Variants in KYAT3 observed in about 807,000 individuals in gnomAD.
KYAT3 encodes the protein kynurenine aminotransferase 3, also known as kynurenine--oxoglutarate transaminase 3.
In KYAT3, 50 loss-of-function variants were observed where a neutral mutation model predicts 59.0. The ratio of observed to expected loss-of-function variants is 0.85; its 90% CI spans 0.68 to 1.07. The LOEUF is 1.07. KYAT3 is among the 50% of genes least tolerant of loss of function. The pLI, the probability that KYAT3 is intolerant of heterozygous loss-of-function variation, is 0.00. For synonymous variants in KYAT3, 148 were observed against 177.0 expected (o/e 0.84, Z 1.30); for missense variants, 497 against 533.3 (o/e 0.93, Z 0.67).
rs558718266 is a variant in KYAT3, at chr1:88,990,694, T to C, written c.-2+1891A>G. ...ATGACCCTCTCACTAGGTAATCTCA[T>C]TGTGTAAGGAACTGTGGGAGCATAG... On this transcript the variant is annotated intron_variant, in intron 1 of 13. Coordinates refer to ENST00000260508, the MANE Select transcript of KYAT3 (RefSeq NM_001008661.3). Among the ~76,000 whole-genome samples, 61 of 152,328 alleles carry C rather than the reference T, an allele frequency of 4.0e-4. No homozygotes were observed. In the East Asian group the frequency reaches 6.9e-3, roughly 17 times the overall value.
downstream of KYAT3, among the ~76,000 whole-genome samples, chr1:88,935,292 T>C (rs1458687274): frequency 6.6e-6 from 1 of 150,650 alleles, no homozygotes; most frequent in Non-Finnish European, 1.5e-5. Flanking sequence ...CATGAGCCAC[T>C]GCACCTGGCT....
chr1:88,977,938 C>T (rs1210497590), intron 2 of KYAT3, among the ~76,000 whole-genome samples: 1 of 151,996 alleles, frequency 6.6e-6, no homozygotes, highest in African/African-American at 2.4e-5. Context: ...GAGCAATAGT[C>T]TATGCCATAT....
At chr1:88,961,976 CTT>C in intron 6 of KYAT3, 81 bp downstream of exon 6, 1 of 958,610 alleles carries the variant, frequency 1.0e-6, no homozygotes, top group Non-Finnish European at 1.7e-6. Context: ...AAAGTAGAAA[CTT>C]TATCATGACA....
chr1:88,958,289 G>C (rs1375463930), intron 8 of KYAT3, among the ~76,000 whole-genome samples: 1 of 152,040 alleles, frequency 6.6e-6, no homozygotes, highest in East Asian at 1.9e-4. Context: ...GATCTTAGTA[G>C]CATGCTTGTT....
chr1:88,979,102 G>C (rs1008757538), intron 2 of KYAT3, among the ~76,000 whole-genome samples: 1 of 152,182 alleles, frequency 6.6e-6, no homozygotes, highest in Non-Finnish European at 1.5e-5. Context: ...AAACAGTTTA[G>C]ATGAAAAGGG....
the KYAT3 span, among the ~76,000 whole-genome samples, chr1:88,926,154 C>T: frequency 1.3e-5 from 2 of 152,142 alleles, no homozygotes; most frequent in African/African-American, 4.8e-5. Flanking sequence ...AAAAAGCAAA[C>T]AGGTAGCTTA....
At chr1:88,959,421 A>G (rs1349416756) in intron 8 of KYAT3, among the ~76,000 whole-genome samples, 3 of 151,940 alleles carry the variant, frequency 2.0e-5, no homozygotes, top group African/African-American at 7.3e-5. Context: ...TACTAAAAGT[A>G]AATTAGCCAG....
chr1:88,979,352 TAAAAAAACTATAAG>T (rs1247424061), intron 2 of KYAT3: 1 of 152,150 alleles, frequency 6.6e-6, no homozygotes, highest in Admixed American at 6.5e-5. Flanking sequence ...AGGCTTGACT[TAAAAAAACTATAAG>T]ATCTATATAT....
At chr1:88,976,098 C>G (rs908795073) in intron 2 of KYAT3, among the ~76,000 whole-genome samples, 2 of 151,680 alleles carry the variant, frequency 1.3e-5, no homozygotes. Flanking sequence ...GTGGCTCACG[C>G]CTGTAATCCC....
At chr1:88,929,922 A>G in the KYAT3 span, among the ~76,000 whole-genome samples, 1 of 152,262 alleles carries the variant, frequency 6.6e-6, no homozygotes. Context: ...AAGGAAACTC[A>G]GAAAGCCAAT....
intron 2 of KYAT3, among the ~76,000 whole-genome samples, chr1:88,986,512 G>T (rs1035197933): frequency 1.3e-5 from 2 of 150,466 alleles, no homozygotes; most frequent in African/African-American, 4.9e-5. Flanking sequence ...GGCTGGTCTT[G>T]AACTCCTGGT....
chr1:88,937,870 A>G (rs1675097224), intron 13 of KYAT3, among the ~76,000 whole-genome samples: 1 of 152,226 alleles, frequency 6.6e-6, no homozygotes, highest in African/African-American at 2.4e-5. Flanking sequence ...TTTCAAAAGT[A>G]TCAAGATCAT....
intron 2 of KYAT3, 126 bp downstream of exon 2, chr1:88,988,126 T>C (rs1677576009): frequency 1.6e-6 from 1 of 621,476 alleles, no homozygotes; most frequent in Non-Finnish European, 2.8e-6. Context: ...AAGAGACACC[T>C]TCAGCATATG....
chr1:88,946,013 G>T (rs1459310286), intron 11 of KYAT3, among the ~76,000 whole-genome samples: 1 of 152,138 alleles, frequency 6.6e-6, no homozygotes, highest in Non-Finnish European at 1.5e-5. Context: ...ATATAGAATG[G>T]ATTGACTGAG....
chr1:88,925,255 C>A, the KYAT3 span, among the ~76,000 whole-genome samples: 1 of 152,220 alleles, frequency 6.6e-6, no homozygotes, highest in Admixed American at 6.5e-5. Flanking sequence ...CGGTTGAGAT[C>A]ATGGCACAGC....
chr1:88,936,724 T>C lies in KYAT3; in HGVS notation c.1303-479A>G, dbSNP rs567489500. 2.0e-5 allele frequency among the ~76,000 whole-genome samples: 3 copies of C among 152,352 alleles called. No homozygotes were observed. In the South Asian group the frequency reaches 6.2e-4, roughly 32 times the overall value. On this transcript the variant is annotated intron_variant, in intron 13 of 13. Coordinates refer to ENST00000260508, the MANE Select transcript of KYAT3 (RefSeq NM_001008661.3). ...CCTTGCTTTCAAGGTTTCATAGTTG[T>C]AATTATTGAAAAATAGTTTATTTTT... is the stretch of plus-strand genomic sequence containing the variant.
Position 88,986,049 on chromosome 1 carries a change from C to T in KYAT3, c.99+2203G>A, listed in dbSNP as rs535193621. Among the ~76,000 whole-genome samples the T allele has an allele frequency of 7.9e-5, 12 of 151,962 alleles. No homozygotes were observed. In the East Asian group the frequency reaches 1.8e-3, roughly 22 times the overall value. Reference sequence around the variant, plus strand: ...TACAAATATTGGCCGGGAGTGGTGGCGGGCACCTATAGTCCCAGCTACTCA... The same window carrying T: ...TACAAATATTGGCCGGGAGTGGTGGTGGGCACCTATAGTCCCAGCTACTCA... On this transcript the variant is annotated intron_variant, in intron 2 of 13. Coordinates refer to ENST00000260508, the MANE Select transcript of KYAT3 (RefSeq NM_001008661.3).
In KYAT3 at chr1:88,983,525, C is replaced by T. The variant is rs1357137773; in HGVS notation, c.99+4727G>A. On this transcript the variant is annotated intron_variant, in intron 2 of 13. Transcript: ENST00000260508. Reference sequence around the variant, plus strand: ...AAAACCTCTTGGAGGACCTCTACTTCTTGGAGGTGGGGGCGGTCCATGTCT... The same window carrying T: ...AAAACCTCTTGGAGGACCTCTACTTTTTGGAGGTGGGGGCGGTCCATGTCT... The T allele has an allele frequency of 1.2e-6, 2 of 1,614,198 alleles. No homozygotes were observed. Among genetic ancestry groups the T allele is most frequent in the East Asian group, 4.5e-5 (2 of 44,886 alleles).
At chr1:88,954,570 G>T (rs1231488480) in intron 9 of KYAT3, among the ~76,000 whole-genome samples, 2 of 151,730 alleles carry the variant, frequency 1.3e-5, no homozygotes, top group Non-Finnish European at 2.9e-5. Context: ...ACACTTTTTT[G>T]CAAAGAAAAA....
Sources: allele counts gnomAD v4.1 joint callset (sites outside exome capture counted in the v4.1 genomes callset), GRCh38; gene constraint gnomAD v4.1.1; transcripts MANE v1.5; gene names NCBI Gene and HGNC (gene_info 2026-07-23, HGNC 2026-07-21).